ANK2: variants seen among roughly 807,000 people sequenced by gnomAD.
The protein encoded by ANK2 is ankyrin 2, also known as ankyrin-2.
Under a neutral mutation model 360.5 loss-of-function variants are expected in ANK2, and 83 were observed. The observed-to-expected ratio is 0.23, with a 90% CI of 0.19 to 0.28. The LOEUF (loss-of-function observed/expected upper bound fraction) is 0.28. Among genes scored for constraint, ANK2 ranks in the 10% least tolerant of loss-of-function variants. The pLI is 1.00. For missense variants in ANK2, 4,201 were observed against 4,795.7 expected, an observed-to-expected ratio of 0.88 and a Z score of 3.66; for synonymous variants, 1,740 against 1,759.5, an observed-to-expected ratio of 0.99 and a Z score of 0.28.
At chr4:113,071,729 A>C (rs2077622851) in intron 1 of ANK2, 1 of 152,642 alleles carries the variant, frequency 6.6e-6, no homozygotes, top group Non-Finnish European at 1.5e-5. Context: ...GAGAAATCAG[A>C]GAGAAGAGCA....
At chr4:112,892,271 G>T (rs2080263017) in intron 1 of ANK2, among the ~76,000 whole-genome samples, 1 of 152,194 alleles carries the variant, frequency 6.6e-6, no homozygotes, top group African/African-American at 2.4e-5. Flanking sequence ...TAGAAAAGGG[G>T]AAATAGCCCT....
At position 113,317,737 on chromosome 4, in the gene ANK2, C is replaced by T. The variant is rs576844483; in HGVS notation, c.2724C>T (p.His908=). 4.3e-6 allele frequency: 7 copies of T among 1,614,124 alleles called. No individual in the cohort carries two copies. In the South Asian group the frequency reaches 5.5e-5, roughly 13 times the overall value. ...GATCCTTCAGTTCCGACAGGTCTCA[C>T]ACTCTGAGCCATGCCTCCTACCTGA... The part of the protein sequence containing the change: ...SLRSFSSDRS[H]TLSHASYLRD... Residue 908 remains histidine (H), a synonymous_variant, in exon 25 of 46, where the codon CAC becomes CAT. Transcript: ENST00000357077.
At chr4:112,968,530 G>T (rs1436540199) in intron 2 of ANK2, among the ~76,000 whole-genome samples, 3 of 152,148 alleles carry the variant, frequency 2.0e-5, no homozygotes, top group African/African-American at 7.2e-5. Context: ...AGAATAAAGG[G>T]GTGAGGATGT....
chr4:113,381,363 C>T (rs2097166722), intron 45 of ANK2, 94 bp from the exon 46 acceptor site: 23 of 1,324,780 alleles, frequency 1.7e-5, no homozygotes, highest in Non-Finnish European at 2.5e-5. Context: ...AAAGGTAAGA[C>T]ATTAGGTACT....
At chr4:113,143,133 G>A (rs1471001471) in intron 1 of ANK2, among the ~76,000 whole-genome samples, 5 of 152,126 alleles carry the variant, frequency 3.3e-5, no homozygotes, top group Non-Finnish European at 7.4e-5. Context: ...GCATATTTAG[G>A]TATGGGAGGA....
chr4:113,033,626 G>A (rs996518057), intron 2 of ANK2, among the ~76,000 whole-genome samples: 5 of 151,780 alleles, frequency 3.3e-5, no homozygotes, highest in African/African-American at 1.2e-4. Flanking sequence ...TGTGTATAAA[G>A]TATCAAACTG....
Position 113,049,787 on chromosome 4 carries a change from G to A in ANK2, c.59G>A (p.Ser20Asn). ...SDSGEKFNGS[S>N]QRRKRPKKSD... ...AGTGGAGAGAAGTTCAACGGCAGTA[G>A]TCAGAGGAGAAAAAGACCCAAGAAG... Residue 20 changes from serine to asparagine, a missense_variant, in exon 1 of 46, where the codon AGT becomes AAT. By Grantham distance (46) the Ser-to-Asn change is conservative. Coordinates refer to ENST00000357077, the MANE Select transcript of ANK2 (RefSeq NM_001148.6). 1 of 1,613,842 alleles carries A rather than the reference G, an allele frequency of 6.2e-7. No homozygotes were observed. The highest frequency in any genetic ancestry group is 8.5e-7 in the Non-Finnish European group (1 of 1,179,818).
chr4:112,712,516 C>T, the ANK2 span, among the ~76,000 whole-genome samples: 2 of 149,520 alleles, frequency 1.3e-5, no homozygotes, highest in Non-Finnish European at 3.0e-5. Flanking sequence ...CACGCCATTC[C>T]CCTGCCTCAG....
intron 2 of ANK2, among the ~76,000 whole-genome samples, chr4:112,937,812 G>A (rs1353532818): frequency 6.6e-6 from 1 of 152,182 alleles, no homozygotes; most frequent in Non-Finnish European, 1.5e-5. Context: ...CTCATGTAAT[G>A]GATATGGCTT....
At position 113,355,138 on chromosome 4, in the gene ANK2, T is replaced by C; in HGVS notation, c.6520T>C (p.Phe2174Leu). 1 of 1,614,072 alleles carries C rather than the reference T, an allele frequency of 6.2e-7. No individual in the cohort carries two copies. Among genetic ancestry groups the C allele is most frequent in the Non-Finnish European group, 8.5e-7 (1 of 1,179,978 alleles). Residue 2174 changes from phenylalanine (F) to leucine (L), a missense_variant, in exon 38 of 46, where the codon TTC (phenylalanine) becomes CTC (leucine). Physicochemically the swap from Phe to Leu is conservative, Grantham distance 22. This residue lies in a region of ANK2 where 2,642 missense variants were observed against 2,714.5 expected (regional missense o/e 0.97). Coordinates refer to ENST00000357077, the MANE Select transcript of ANK2 (RefSeq NM_001148.6). ...LHLDQVLTSP[F>L]NTTFPLDYMK... ...CTTAGACCAAGTACTCACTAGTCCTTTCAACACAACATTTCCACTCGACTA... is the reference window on the plus strand; with the variant it reads ...CTTAGACCAAGTACTCACTAGTCCTCTCAACACAACATTTCCACTCGACTA...
chr4:112,857,174 G>A lies in ANK2; in HGVS notation c.-40+38910G>A, dbSNP rs567811445. Among the ~76,000 whole-genome samples the A allele has an allele frequency of 8.1e-4, 124 of 152,296 alleles. 1 individual carries two copies. The highest frequency in any genetic ancestry group is 1.8e-3 in the Admixed American group (27 of 15,300). ...GAGAGTTCAGGAGAGCCTGATTAAAGTTTGATCAAGAAGAGAGTCTTTTTC... is the reference window on the plus strand; with the variant it reads ...GAGAGTTCAGGAGAGCCTGATTAAAATTTGATCAAGAAGAGAGTCTTTTTC... On this transcript the variant is annotated intron_variant, in intron 1 of 30. Transcript: ENST00000503271.
chr4:113,037,905 C>T (rs1424135296), intron 2 of ANK2, among the ~76,000 whole-genome samples: 1 of 151,980 alleles, frequency 6.6e-6, no homozygotes, highest in Admixed American at 6.6e-5. Context: ...ACTGCAGTAG[C>T]AGGTTGTTAA....
upstream of ANK2, among the ~76,000 whole-genome samples, chr4:113,045,870 G>T (rs2064196878): frequency 6.6e-6 from 1 of 152,124 alleles, no homozygotes; most frequent in Non-Finnish European, 1.5e-5. Flanking sequence ...TAATCTTTTA[G>T]ATGTCTAATT....
chr4:113,247,854 G>A (rs557260482), intron 9 of ANK2, among the ~76,000 whole-genome samples: 12 of 152,256 alleles, frequency 7.9e-5, no homozygotes, highest in South Asian at 2.1e-4. Flanking sequence ...CCAAGAATAC[G>A]TTTGAGAAAC....
chr4:113,104,813 C>A (rs1233140617), intron 1 of ANK2, among the ~76,000 whole-genome samples: 3 of 151,970 alleles, frequency 2.0e-5, no homozygotes, highest in Non-Finnish European at 2.9e-5. Context: ...ATATAGCAAA[C>A]AAAGTGAGTG....
intron 26 of ANK2, among the ~76,000 whole-genome samples, chr4:113,329,985 T>A (rs927234873): frequency 1.3e-5 from 2 of 152,234 alleles, no homozygotes; most frequent in African/African-American, 2.4e-5. Flanking sequence ...TTACAGTTTA[T>A]ATTGAACATC....
intron 1 of ANK2, among the ~76,000 whole-genome samples, chr4:112,889,099 C>T (rs1490860948): frequency 6.6e-6 from 1 of 152,126 alleles, no homozygotes; most frequent in Non-Finnish European, 1.5e-5. Flanking sequence ...TGACACATTT[C>T]TCCTTAAAAA....
chr4:113,049,023 T>C (rs2065790965), upstream of ANK2, among the ~76,000 whole-genome samples: 1 of 151,824 alleles, frequency 6.6e-6, no homozygotes, highest in African/African-American at 2.4e-5. Context: ...TGGGCAGTTG[T>C]GTAATACATT....
chr4:112,782,501 A>T, the ANK2 span, among the ~76,000 whole-genome samples: 1 of 152,210 alleles, frequency 6.6e-6, no homozygotes, highest in South Asian at 2.1e-4. Flanking sequence ...CTTTACATAT[A>T]TTAACTTATT....
Sources: gnomAD v4.1 joint callset for allele counts (sites outside exome capture counted in the v4.1 genomes callset) on GRCh38, gnomAD v4.1.1 for gene constraint, gnomAD v4.1.1 regional missense constraint, MANE v1.5 for transcripts, NCBI Gene and HGNC (gene_info 2026-07-23, HGNC 2026-07-21) for gene names.